Variants in WDR7 observed in about 807,000 individuals in gnomAD.
WDR7 encodes WD repeat-containing protein 7.
In WDR7, 46 loss-of-function variants were observed where a neutral mutation model predicts 169.4. The ratio of observed to expected loss-of-function variants is 0.27; its 90% CI spans 0.21 to 0.35. The LOEUF (loss-of-function observed/expected upper bound fraction) is 0.35. Ranked by LOEUF, WDR7 falls within the 10% of genes least tolerant of loss-of-function variation. WDR7 has a pLI of 1.00. For missense variants in WDR7, 1,534 were observed against 1,859.3 expected, an observed-to-expected ratio of 0.83 and a Z score of 3.22; for synonymous variants, 612 against 666.8, an observed-to-expected ratio of 0.92 and a Z score of 1.27.
chr18:56,838,716 T>G (rs2045433273), intron 20 of WDR7, among the ~76,000 whole-genome samples: 1 of 152,156 alleles, frequency 6.6e-6, no homozygotes, highest in African/African-American at 2.4e-5. Flanking sequence ...TAGAACTGAG[T>G]GATGTTTATA....
intron 12 of WDR7, among the ~76,000 whole-genome samples, chr18:56,706,093 C>T (rs529684487): frequency 1.3e-5 from 2 of 152,240 alleles, no homozygotes; most frequent in East Asian, 1.9e-4. Context: ...TTATTTCAGC[C>T]TACTTAGGTA....
rs140288008 is a variant in WDR7 at position 57,029,180 on chromosome 18, A to C, written c.*1973A>C. ...GTCAGGAAAGAGGTGTGAGAGTGGT[A>C]GGCAGCCTGCCGCAAACACACGGAT... is the stretch of plus-strand genomic sequence containing the variant. On this transcript the variant is annotated 3_prime_UTR_variant, in exon 28 of 28. Coordinates refer to ENST00000254442, the MANE Select transcript of WDR7 (RefSeq NM_015285.3). 4 of 152,260 alleles carry C rather than the reference A, an allele frequency of 2.6e-5. No individual in the cohort carries two copies. In the East Asian group the frequency reaches 7.7e-4, roughly 29 times the overall value. The allele number at this position is 152,260 out of a possible 1,614,324, so 9.4% of individuals were successfully genotyped here.
chr18:56,808,759 AATACT>A (rs1408824603), intron 19 of WDR7, among the ~76,000 whole-genome samples: 28 of 152,184 alleles, frequency 1.8e-4, no homozygotes, highest in Non-Finnish European at 1.5e-4. Flanking sequence ...TAATTTTTAG[AATACT>A]ATACCCAATT....
chr18:56,713,860 G>A (rs1382439161), intron 12 of WDR7, among the ~76,000 whole-genome samples: 3 of 152,072 alleles, frequency 2.0e-5, no homozygotes, highest in Admixed American at 2.0e-4. Flanking sequence ...TTTAAGAAGT[G>A]CTTTAATAAT....
At chr18:56,860,947 G>T (rs1417483413) in intron 20 of WDR7, among the ~76,000 whole-genome samples, 1 of 151,598 alleles carries the variant, frequency 6.6e-6, no homozygotes, top group Non-Finnish European at 1.5e-5. Context: ...AGTAAAAAGT[G>T]TATCTTTTAA....
At chr18:56,688,653 C>T (rs1390579840) in intron 7 of WDR7, among the ~76,000 whole-genome samples, 8 of 151,690 alleles carry the variant, frequency 5.3e-5, no homozygotes, top group East Asian at 3.9e-4. Flanking sequence ...TACTTGAGCC[C>T]GGGAGGCAGA....
chr18:56,806,962 T>A (rs917500323), intron 19 of WDR7, among the ~76,000 whole-genome samples: 9 of 152,130 alleles, frequency 5.9e-5, no homozygotes, highest in African/African-American at 2.2e-4. Context: ...CCACCCTTCA[T>A]GCCCAATACA....
At chr18:56,684,976 CAG>C (rs963626129) in intron 5 of WDR7, among the ~76,000 whole-genome samples, 1 of 152,124 alleles carries the variant, frequency 6.6e-6, no homozygotes, top group Non-Finnish European at 1.5e-5. Flanking sequence ...TTATTTAAAA[CAG>C]ATCTGTATTT....
At chr18:56,899,187 A>G (rs1245880564) in intron 21 of WDR7, among the ~76,000 whole-genome samples, 3 of 151,760 alleles carry the variant, frequency 2.0e-5, no homozygotes, top group Non-Finnish European at 4.4e-5. Context: ...AGTTTTATTT[A>G]TAGATTTAAA....
chr18:56,798,941 T>C (rs1337041294), intron 19 of WDR7, among the ~76,000 whole-genome samples: 1 of 152,208 alleles, frequency 6.6e-6, no homozygotes. Flanking sequence ...GTATCACAGC[T>C]TGTTTTCAAT....
intron 26 of WDR7, among the ~76,000 whole-genome samples, chr18:56,987,149 G>A (rs1427101529): frequency 1.3e-5 from 2 of 151,944 alleles, no homozygotes; most frequent in East Asian, 1.9e-4. Context: ...GATAGCATGA[G>A]GTTTGTGTTC....
intron 14 of WDR7, among the ~76,000 whole-genome samples, chr18:56,756,310 T>G (rs1392011827): frequency 6.6e-6 from 1 of 152,208 alleles, no homozygotes; most frequent in Non-Finnish European, 1.5e-5. Flanking sequence ...GTAAAGAGAC[T>G]CCCTGCTTCA....
intron 20 of WDR7, among the ~76,000 whole-genome samples, chr18:56,819,884 T>C (rs1185806582): frequency 6.6e-6 from 1 of 152,160 alleles, no homozygotes; most frequent in African/African-American, 2.4e-5. Flanking sequence ...TCCAGTATTA[T>C]CACTTAATTG....
Position 56,731,342 on chromosome 18 carries a change from T to G in WDR7, c.1775-41T>G, listed in dbSNP as rs3745040. ...TCTTTACTTAAACTATTCAAAATGT[T>G]GTAGTGTTATGAAATATTTGTGAAT... On this transcript the variant is annotated intron_variant, in intron 13 of 27. Coordinates refer to ENST00000254442, the MANE Select transcript of WDR7 (RefSeq NM_015285.3). 1,144 of 1,593,224 alleles carry G rather than the reference T, an allele frequency of 7.2e-4. 9 individuals are homozygous for G. In the East Asian group the frequency reaches 0.024, roughly 33 times the overall value.
chr18:56,693,924 C>T (rs2025637202), intron 9 of WDR7, among the ~76,000 whole-genome samples: 1 of 151,996 alleles, frequency 6.6e-6, no homozygotes, highest in Admixed American at 6.5e-5. Context: ...GGCTGGAGTG[C>T]AGTAGCGAAA....
intron 27 of WDR7, 41 bp downstream of exon 27, chr18:57,020,890 TG>T: frequency 6.4e-7 from 1 of 1,564,992 alleles, no homozygotes; most frequent in African/African-American, 1.4e-5. Flanking sequence ...ATATACTGCG[TG>T]ATATGCCTTT....
intron 21 of WDR7, among the ~76,000 whole-genome samples, chr18:56,884,764 C>T (rs1445348323): frequency 2.0e-5 from 3 of 152,200 alleles, no homozygotes; most frequent in African/African-American, 7.2e-5. Context: ...GCCCTACCCA[C>T]CACCTGATCC....
At chr18:56,795,367 CT>C (rs2044565410) in intron 19 of WDR7, among the ~76,000 whole-genome samples, 1 of 152,130 alleles carries the variant, frequency 6.6e-6, no homozygotes, top group South Asian at 2.1e-4. Context: ...GCAAAAAGTG[CT>C]AGATATGCGT....
Position 56,750,744 on chromosome 18 carries a change from T to C in WDR7, c.1990-5839T>C, listed in dbSNP as rs559685186. Reference sequence around the variant, plus strand: ...TCTTATGACTAAGCCAAGAGACTTATGAGTTTGATAGATGTTTTAATTTCC... The same window carrying C: ...TCTTATGACTAAGCCAAGAGACTTACGAGTTTGATAGATGTTTTAATTTCC... On this transcript the variant is annotated intron_variant, in intron 14 of 27. Coordinates refer to ENST00000254442, the MANE Select transcript of WDR7 (RefSeq NM_015285.3). Among the ~76,000 whole-genome samples the C allele has an allele frequency of 5.9e-5, 9 of 152,332 alleles. No homozygotes were observed. The East Asian group carries it at 1.2e-3, about 20-fold the overall frequency.
Sources: gnomAD v4.1 joint callset for allele counts (sites outside exome capture counted in the v4.1 genomes callset) on GRCh38, gnomAD v4.1.1 for gene constraint, MANE v1.5 for transcripts, NCBI Gene and HGNC (gene_info 2026-07-23, HGNC 2026-07-21) for gene names.